Variants in SAMTOR observed in about 807,000 individuals in gnomAD.
The protein encoded by SAMTOR is S-adenosylmethionine sensor upstream of mTORC1.
the SAMTOR span, among the ~76,000 whole-genome samples, chr7:112,844,080 C>T: frequency 1.3e-5 from 2 of 152,014 alleles, no homozygotes; most frequent in Admixed American, 1.3e-4. Flanking sequence ...GTCCAACATC[C>T]CTTCATGTTA....
the SAMTOR span, among the ~76,000 whole-genome samples, chr7:112,905,536 T>C: frequency 1.3e-5 from 2 of 152,064 alleles, no homozygotes; most frequent in African/African-American, 2.4e-5. Flanking sequence ...TAAATATGAA[T>C]AAAAATATGA....
At chr7:112,878,680 A>G in the SAMTOR span, among the ~76,000 whole-genome samples, 1 of 152,190 alleles carries the variant, frequency 6.6e-6, no homozygotes, top group South Asian at 2.1e-4. Flanking sequence ...TTGCAGGAGC[A>G]AAATGAAGTT....
chr7:112,902,462 C>CAAAAAAAAA, the SAMTOR span, among the ~76,000 whole-genome samples: 70 of 83,674 alleles, frequency 8.4e-4, no homozygotes, highest in East Asian at 1.7e-3. Context: ...AAAAAAAAAC[C>CAAAAAAAAA]AAAAAAGTTG....
chr7:112,874,895 G>C, the SAMTOR span, among the ~76,000 whole-genome samples: 4 of 152,084 alleles, frequency 2.6e-5, no homozygotes, highest in Non-Finnish European at 2.9e-5. Flanking sequence ...AAAAAGCTGT[G>C]AGCTATTTTT....
chr7:112,862,871 G>A, the SAMTOR span, among the ~76,000 whole-genome samples: 3 of 151,482 alleles, frequency 2.0e-5, no homozygotes, highest in African/African-American at 7.3e-5. Flanking sequence ...GGAGGTTGTA[G>A]TGAGCTGAGA....
the SAMTOR span, among the ~76,000 whole-genome samples, chr7:112,852,427 A>C: frequency 6.6e-6 from 1 of 152,110 alleles, no homozygotes; most frequent in Non-Finnish European, 1.5e-5. Context: ...ATTGTTTGTC[A>C]ATGTGGCAAA....
At chr7:112,858,868 A>C in the SAMTOR span, among the ~76,000 whole-genome samples, 1 of 152,218 alleles carries the variant, frequency 6.6e-6, no homozygotes, top group Non-Finnish European at 1.5e-5. Flanking sequence ...ATGAAATGAC[A>C]CTTCAGACCC....
chr7:112,902,325 G>A, the SAMTOR span, among the ~76,000 whole-genome samples: 4 of 149,700 alleles, frequency 2.7e-5, no homozygotes, highest in East Asian at 2.0e-4. Context: ...TGCTTGAACC[G>A]GGAGGCGGAG....
the SAMTOR span, among the ~76,000 whole-genome samples, chr7:112,913,550 A>G: frequency 6.6e-6 from 1 of 152,204 alleles, no homozygotes; most frequent in Admixed American, 6.5e-5. Flanking sequence ...ACATCTTGCA[A>G]AAGGTTAATA....
the SAMTOR span, among the ~76,000 whole-genome samples, chr7:112,869,380 T>C: frequency 6.6e-6 from 1 of 152,028 alleles, no homozygotes; most frequent in Non-Finnish European, 1.5e-5. Flanking sequence ...CGCCATCTAC[T>C]GGACGGCAGC....
At chr7:112,823,734 A>C in the SAMTOR span, among the ~76,000 whole-genome samples, 1 of 152,204 alleles carries the variant, frequency 6.6e-6, no homozygotes, top group Non-Finnish European at 1.5e-5. Context: ...TAATTTTTAA[A>C]TAACTCCCAA....
At chr7:112,875,220 G>A in the SAMTOR span, among the ~76,000 whole-genome samples, 1 of 152,118 alleles carries the variant, frequency 6.6e-6, no homozygotes, top group Admixed American at 6.5e-5. Context: ...CTCCTTACTT[G>A]TAATAAGTAA....
At chr7:112,821,925 C>T in the SAMTOR span, 1 of 1,612,892 alleles carries the variant, frequency 6.2e-7, no homozygotes, top group East Asian at 2.2e-5. Context: ...ATCTTCTATA[C>T]TGTTGAAATC....
the SAMTOR span, among the ~76,000 whole-genome samples, chr7:112,903,732 A>C: frequency 1.1e-3 from 162 of 152,336 alleles, 3 homozygotes; most frequent in East Asian, 0.031. Flanking sequence ...AAGTAGAGTA[A>C]CATTTTTTCA....
chr7:112,897,585 A>G, the SAMTOR span, among the ~76,000 whole-genome samples: 1 of 152,200 alleles, frequency 6.6e-6, no homozygotes, highest in African/African-American at 2.4e-5. Flanking sequence ...ACAGATCAAT[A>G]AAGAGAGCAA....
the SAMTOR span, among the ~76,000 whole-genome samples, chr7:112,937,856 T>C: frequency 6.6e-6 from 1 of 151,100 alleles, no homozygotes; most frequent in Non-Finnish European, 1.5e-5. Flanking sequence ...CTGTGGTTAA[T>C]ACTCAGGCTT....
chr7:112,869,579 A>T, the SAMTOR span, among the ~76,000 whole-genome samples: 1 of 152,068 alleles, frequency 6.6e-6, no homozygotes, highest in Non-Finnish European at 1.5e-5. Context: ...AAAAAAAACC[A>T]TCCCAATGAT....
chr7:112,922,786 G>T, the SAMTOR span, among the ~76,000 whole-genome samples: 2 of 151,784 alleles, frequency 1.3e-5, no homozygotes, highest in African/African-American at 2.4e-5. Flanking sequence ...GAGGGAGGTG[G>T]GGGTCAGCCC....
At chr7:112,821,721 G>A in the SAMTOR span, 2 of 1,558,598 alleles carry the variant, frequency 1.3e-6, no homozygotes, top group Non-Finnish European at 1.7e-6. Flanking sequence ...AGCCTGGACT[G>A]AAAGGGGCTT....
Sources: gnomAD v4.1 joint callset for allele counts (sites outside exome capture counted in the v4.1 genomes callset) on GRCh38, gnomAD v4.1.1 for gene constraint, MANE v1.5 for transcripts, NCBI Gene and HGNC (gene_info 2026-07-23, HGNC 2026-07-21) for gene names.